HDAC4: variants seen among roughly 807,000 people sequenced by gnomAD.
The protein encoded by HDAC4 is histone deacetylase A.
Under a neutral mutation model 135.1 loss-of-function variants are expected in HDAC4, and 16 were observed. The observed-to-expected ratio is 0.12, with a 90% CI of 0.08 to 0.18. HDAC4 has a LOEUF of 0.18. HDAC4 is among the 10% of genes least tolerant of loss of function. The probability of loss-of-function intolerance (pLI) is 1.00; values close to 1 mark genes in which losing one functional copy is unlikely to be tolerated. For missense variants in HDAC4, 1,143 were observed against 1,511.8 expected (o/e 0.76, Z 4.05); for synonymous variants, 685 against 653.4 (o/e 1.05, Z -0.74).
Position 239,048,802 on chromosome 2 carries a change from T to C in HDAC4, c.*4295A>G, listed in dbSNP as rs1382344286. ...GGTTTCCTTTCGATGCAAAGTATAATTGTAAACCACAGTGCTCGCACAGTT... is the reference window on the plus strand; with the variant it reads ...GGTTTCCTTTCGATGCAAAGTATAACTGTAAACCACAGTGCTCGCACAGTT... On this transcript the variant is annotated 3_prime_UTR_variant, in exon 27 of 27. Coordinates refer to ENST00000543185, the MANE Select transcript of HDAC4 (RefSeq NM_001378414.1). 6.6e-6 allele frequency: 1 copy of C among 152,242 alleles called. No homozygotes were observed. Among genetic ancestry groups the C allele is most frequent in the East Asian group, 1.9e-4 (1 of 5,200 alleles). The allele number at this position is 152,242 out of a possible 1,614,324, so 9.4% of individuals were successfully genotyped here. A position where few individuals can be genotyped will look rare whatever the true frequency, so the allele number is the denominator to read the frequency against.
chr2:239,307,698 G>T lies in HDAC4; in HGVS notation c.22+44980C>A, dbSNP rs143571554. Among the ~76,000 whole-genome samples the T allele has an allele frequency of 2.6e-5, 4 of 152,098 alleles. No homozygotes were observed. The highest frequency in any genetic ancestry group is 5.9e-5 in the Non-Finnish European group (4 of 68,016). On this transcript the variant is annotated intron_variant, in intron 2 of 26. Coordinates refer to ENST00000543185, the MANE Select transcript of HDAC4 (RefSeq NM_001378414.1). This position sits in a 1 kb window ranked among gnomAD's most constrained non-coding sequence, Gnocchi z 4.8. ...TCACTCAGATGACGTTCTCATGACCGCACTTGGTCTAAGCAAATGCTGCTG... is the reference window on the plus strand; with the variant it reads ...TCACTCAGATGACGTTCTCATGACCTCACTTGGTCTAAGCAAATGCTGCTG...
In HDAC4 at chr2:239,211,216, A is replaced by G. The variant is rs145634037; in HGVS notation, c.95-21139T>C. ...TCAAAAATTTAAACAAAAATGTCTGACAGAAGAAAATATATTATTTCTTTC... is the reference window on the plus strand; with the variant it reads ...TCAAAAATTTAAACAAAAATGTCTGGCAGAAGAAAATATATTATTTCTTTC... On this transcript the variant is annotated intron_variant, in intron 3 of 26. Transcript: ENST00000543185. Among the ~76,000 whole-genome samples the G allele has an allele frequency of 6.6e-5, 10 of 152,366 alleles. No individual in the cohort carries two copies. The East Asian group carries it at 1.7e-3, about 26-fold the overall frequency.
intron 8 of HDAC4, chr2:239,140,976 C>T (rs1402023582): frequency 4.7e-6 from 2 of 427,136 alleles, no homozygotes; most frequent in South Asian, 3.4e-5. Flanking sequence ...AAGCCACCCA[C>T]AGCTCCCCCA....
intron 19 of HDAC4, among the ~76,000 whole-genome samples, chr2:239,087,134 G>A (rs12470591): frequency 0.071 from 10,780 of 152,284 alleles, 514 homozygotes; most frequent in Admixed American, 0.13. Context: ...CTGCATGGAC[G>A]TGGCTCTGTG....
At chr2:239,065,879 T>C (rs1317716795) in intron 24 of HDAC4, among the ~76,000 whole-genome samples, 4 of 152,256 alleles carry the variant, frequency 2.6e-5, no homozygotes, top group Non-Finnish European at 5.9e-5. Flanking sequence ...CTTGGGGATC[T>C]GGACTCACAC....
intron 2 of HDAC4, among the ~76,000 whole-genome samples, chr2:239,274,496 G>C (rs991098559): frequency 6.6e-6 from 1 of 152,210 alleles, no homozygotes; most frequent in African/African-American, 2.4e-5. Context: ...TCTAAGCCAC[G>C]AGCCACAGCC....
intron 2 of HDAC4, among the ~76,000 whole-genome samples, chr2:239,248,488 C>T (rs1206044551): frequency 2.0e-5 from 3 of 152,108 alleles, no homozygotes; most frequent in African/African-American, 4.8e-5. Context: ...CCACCTCTAG[C>T]GCTTTTTAGG....
At chr2:239,066,224 G>A (rs1352336711) in intron 24 of HDAC4, among the ~76,000 whole-genome samples, 1 of 152,234 alleles carries the variant, frequency 6.6e-6, no homozygotes. Context: ...CTCCGGCGGT[G>A]TTGGTAGGGA....
chr2:239,141,534 C>T lies in HDAC4; in HGVS notation c.866-1738G>A, dbSNP rs544001413. On this transcript the variant is annotated intron_variant, in intron 8 of 26. Coordinates refer to ENST00000543185, the MANE Select transcript of HDAC4 (RefSeq NM_001378414.1). The surrounding 1 kb of genome is among the most constrained non-coding windows in gnomAD (Gnocchi z 4.9). ...ACTGTGAGTGGGCATTCTGAGAATG[C>T]CACCTGGGCTGAGCCAGTGTTTGCA... Among the ~76,000 whole-genome samples, 1 of 152,284 alleles carries T rather than the reference C, an allele frequency of 6.6e-6. No homozygotes were observed. The highest frequency in any genetic ancestry group is 2.1e-4 in the South Asian group (1 of 4,822).
chr2:239,087,595 C>T lies in HDAC4; in HGVS notation c.2408G>A (p.Arg803His), dbSNP rs2036103132. The change falls in exon 19 of 27, where the codon CGC (arginine) becomes CAC (histidine). Residue 803 changes from arginine to histidine, a missense_variant. Around this residue, in one of 9 missense-constraint regions of HDAC4, gnomAD observed 189 missense variants for 317.6 expected, o/e 0.60. Coordinates refer to ENST00000543185, the MANE Select transcript of HDAC4 (RefSeq NM_001378414.1). ...CTCCTCCGCATGGTGTCCAGGGGGGCGGACCACAGCAAAGCCATTCTGCAG... is the reference window on the plus strand; with the variant it reads ...CTCCTCCGCATGGTGTCCAGGGGGGTGGACCACAGCAAAGCCATTCTGCAG... ...GELKNGFAVV[R>H]PPGHHAEEST... 2 of 1,613,826 alleles carry T rather than the reference C, an allele frequency of 1.2e-6. No homozygotes were observed. The highest frequency in any genetic ancestry group is 1.7e-6 in the Non-Finnish European group (2 of 1,179,952).
At chr2:239,210,068 C>T (rs192898253) in intron 3 of HDAC4, among the ~76,000 whole-genome samples, 11 of 152,286 alleles carry the variant, frequency 7.2e-5, no homozygotes, top group South Asian at 2.1e-4. Context: ...ATCTCGCTTT[C>T]GTGACCCAGC....
intron 19 of HDAC4, among the ~76,000 whole-genome samples, chr2:239,085,451 C>T (rs982492871): frequency 2.0e-5 from 3 of 152,234 alleles, no homozygotes; most frequent in South Asian, 2.1e-4. Flanking sequence ...ACATCCTAGA[C>T]GCTGAGCTCC....
chr2:239,291,619 T>A (rs901426801), intron 2 of HDAC4, among the ~76,000 whole-genome samples: 1 of 152,218 alleles, frequency 6.6e-6, no homozygotes, highest in African/African-American at 2.4e-5. Flanking sequence ...GCCTGGAGAA[T>A]GAAAACAGCT....
At chr2:239,203,044 G>A (rs1348273393) in intron 3 of HDAC4, among the ~76,000 whole-genome samples, 1 of 152,196 alleles carries the variant, frequency 6.6e-6, no homozygotes, top group African/African-American at 2.4e-5. Flanking sequence ...AGCGCTGAGT[G>A]GAGCCTCAGC....
intron 2 of HDAC4, among the ~76,000 whole-genome samples, chr2:239,254,027 G>A (rs951318210): frequency 6.6e-6 from 1 of 152,168 alleles, no homozygotes; most frequent in African/African-American, 2.4e-5. Context: ...CTAGGAAGAG[G>A]CTTCAGTGAG....
chr2:239,200,460 A>G (rs1217010306), intron 3 of HDAC4, among the ~76,000 whole-genome samples: 1 of 152,218 alleles, frequency 6.6e-6, no homozygotes, highest in Non-Finnish European at 1.5e-5. Flanking sequence ...TGTAGATAAC[A>G]TGTAACTTAA....
chr2:239,215,169 T>C (rs1235856927), intron 3 of HDAC4, among the ~76,000 whole-genome samples: 4 of 152,094 alleles, frequency 2.6e-5, no homozygotes, highest in Admixed American at 6.5e-5. Context: ...AGACAAGCCC[T>C]GGGGCGCTTG....
Position 239,108,069 on chromosome 2 carries a change from C to G in HDAC4, c.2093G>C (p.Gly698Ala). 6.2e-7 allele frequency: 1 copy of G among 1,610,948 alleles called. No individual in the cohort carries two copies. Among genetic ancestry groups the G allele is most frequent in the South Asian group, 1.1e-5 (1 of 90,988 alleles). ...CGTTACCTCGCATTTGCCCCGGAGG[C>G]CCGTCTCCTGCAGGCGGGACCAGAT... The part of the protein sequence containing the change: ...QSIWSRLQET[G>A]LRGKCECIRG... The change falls in exon 15 of 27, where the codon GGC (glycine) becomes GCC (alanine). Residue 698 changes from glycine (G) to alanine (A), a missense_variant. Gly to Ala is a moderately conservative substitution (Grantham distance 60, BLOSUM62 0). This residue lies in a region of HDAC4 where 47 missense variants were observed against 117.2 expected (regional missense o/e 0.40). Coordinates refer to ENST00000543185, the MANE Select transcript of HDAC4 (RefSeq NM_001378414.1).
intron 19 of HDAC4, among the ~76,000 whole-genome samples, chr2:239,086,363 A>G (rs111228354): frequency 5.6e-5 from 8 of 143,286 alleles, no homozygotes; most frequent in East Asian, 2.1e-4. Flanking sequence ...CTCCCTGTAC[A>G]TGAAGGAGAA....
Sources: gnomAD v4.1 joint callset for allele counts (sites outside exome capture counted in the v4.1 genomes callset) on GRCh38, gnomAD v4.1.1 for gene constraint, gnomAD v4.1.1 regional missense constraint, Gnocchi (gnomAD v3.1) non-coding constraint, MANE v1.5 for transcripts, NCBI Gene and HGNC (gene_info 2026-07-23, HGNC 2026-07-21) for gene names.